The following SLC2A9 variants were observed in gnomAD, a reference collection of about 807,000 sequenced individuals.
SLC2A9 encodes the protein solute carrier family 2 member 9, also known as solute carrier family 2, facilitated glucose transporter member 9.
In SLC2A9, 39 loss-of-function variants were observed where a neutral mutation model predicts 50.6. That is an observed-to-expected ratio of 0.77 (90% CI 0.60 to 1.01). The LOEUF (loss-of-function observed/expected upper bound fraction) is 1.01, where lower values mean the gene tolerates loss of function less well. Ranked by LOEUF, SLC2A9 falls within the 50% of genes least tolerant of loss-of-function variation. SLC2A9 has a pLI of 0.00. For missense variants in SLC2A9, 686 were observed against 677.6 expected, an observed-to-expected ratio of 1.01 and a Z score of -0.14; for synonymous variants, 324 against 276.9, an observed-to-expected ratio of 1.17 and a Z score of -1.69.
intron 2 of SLC2A9, among the ~76,000 whole-genome samples, chr4:10,005,808 G>A (rs1034422502): frequency 6.6e-6 from 1 of 152,200 alleles, no homozygotes; most frequent in Non-Finnish European, 1.5e-5. Flanking sequence ...CTCTGGAAGT[G>A]CTGTCAATGT....
intron 6 of SLC2A9, among the ~76,000 whole-genome samples, chr4:9,939,304 T>C (rs564018476): frequency 1.3e-5 from 2 of 152,260 alleles, no homozygotes; most frequent in Admixed American, 6.5e-5. Flanking sequence ...AGAACAACAC[T>C]GTTGACCTAT....
At chr4:9,783,738 A>G in intron 3 of SLC2A9, 1 of 344,886 alleles carries the variant, frequency 2.9e-6, no homozygotes, top group Non-Finnish European at 5.5e-6. Flanking sequence ...CTTAAAAAAA[A>G]AAATGATACT....
intron 10 of SLC2A9, among the ~76,000 whole-genome samples, chr4:9,847,506 C>A (rs533419836): frequency 7.2e-5 from 11 of 152,292 alleles, no homozygotes; most frequent in East Asian, 1.9e-4. Flanking sequence ...TGGCAAAGGC[C>A]CAATCAATAT....
At chr4:9,780,437 G>T (rs995616134) in intron 3 of SLC2A9, among the ~76,000 whole-genome samples, 11 of 152,150 alleles carry the variant, frequency 7.2e-5, no homozygotes, top group African/African-American at 2.7e-4. Flanking sequence ...AAGCACTGAG[G>T]GGGAAGGAGG....
chr4:9,960,602 G>C (rs75389148), intron 5 of SLC2A9, among the ~76,000 whole-genome samples: 2,104 of 152,330 alleles, frequency 0.014, 22 homozygotes, highest in Middle Eastern at 0.054. Flanking sequence ...GAAAGCTTTT[G>C]TCAGGAGCCA....
chr4:9,771,585 G>A (rs1716825661), intron 1 of SLC2A9, among the ~76,000 whole-genome samples: 1 of 152,224 alleles, frequency 6.6e-6, no homozygotes, highest in African/African-American at 2.4e-5. Context: ...ATATCAATGG[G>A]TTCATCCCAG....
chr4:9,867,340 T>G (rs1458626362), intron 10 of SLC2A9, among the ~76,000 whole-genome samples: 1 of 152,168 alleles, frequency 6.6e-6, no homozygotes, highest in Non-Finnish European at 1.5e-5. Flanking sequence ...TCTGCAGCCA[T>G]GTGGGTTTCT....
chr4:9,879,536 C>A (rs1734859370), intron 10 of SLC2A9: 8 of 985,248 alleles, frequency 8.1e-6, no homozygotes, highest in Non-Finnish European at 9.6e-6. Context: ...CTGATACGCC[C>A]CTGCAGTCTT....
chr4:9,777,262 AG>A (rs1437123904), downstream of SLC2A9, among the ~76,000 whole-genome samples: 5 of 151,122 alleles, frequency 3.3e-5, no homozygotes, highest in African/African-American at 1.2e-4. Context: ...TGTGCTAATT[AG>A]AAAAAAAGAG....
At chr4:9,931,465 G>A (rs1284562232) in intron 6 of SLC2A9, among the ~76,000 whole-genome samples, 1 of 152,204 alleles carries the variant, frequency 6.6e-6, no homozygotes, top group Non-Finnish European at 1.5e-5. Context: ...CTGAGCAGGG[G>A]AGAAGAGGCT....
downstream of SLC2A9, among the ~76,000 whole-genome samples, chr4:9,822,390 A>G (rs984489860): frequency 1.3e-5 from 2 of 152,038 alleles, no homozygotes; most frequent in African/African-American, 4.8e-5. Flanking sequence ...ATTTTATATT[A>G]ATTATTTGAG....
upstream of SLC2A9, among the ~76,000 whole-genome samples, chr4:10,022,363 G>T (rs1045140180): frequency 2.0e-5 from 3 of 152,272 alleles, no homozygotes; most frequent in Admixed American, 6.5e-5. Flanking sequence ...GGAAGAAAAA[G>T]AATTTGCCTC....
At chr4:9,785,383 C>T in intron 3 of SLC2A9, among the ~76,000 whole-genome samples, 1 of 152,224 alleles carries the variant, frequency 6.6e-6, no homozygotes, top group African/African-American at 2.4e-5. Context: ...ATGCATCCTC[C>T]AGTGGGAGAA....
chr4:9,965,342 C>T (rs924388507), intron 5 of SLC2A9, among the ~76,000 whole-genome samples: 1 of 152,158 alleles, frequency 6.6e-6, no homozygotes, highest in Non-Finnish European at 1.5e-5. Flanking sequence ...GATAGAATCA[C>T]ACATTATCAC....
intron 5 of SLC2A9, among the ~76,000 whole-genome samples, chr4:9,947,811 C>T (rs1334872738): frequency 6.6e-6 from 1 of 152,128 alleles, no homozygotes; most frequent in African/African-American, 2.4e-5. Context: ...CTCAAGCCTG[C>T]CTCCCCTGCT....
intron 10 of SLC2A9, among the ~76,000 whole-genome samples, chr4:9,875,751 C>T (rs1013697933): frequency 6.6e-6 from 1 of 152,208 alleles, no homozygotes; most frequent in African/African-American, 2.4e-5. Context: ...AAGCCAATGA[C>T]TACTTCTTCC....
chr4:9,780,351 G>A (rs1432109970), intron 3 of SLC2A9, among the ~76,000 whole-genome samples: 1 of 152,160 alleles, frequency 6.6e-6, no homozygotes, highest in Non-Finnish European at 1.5e-5. Context: ...GATGAGGAGA[G>A]ACCAGAGGTG....
At chr4:9,947,529 T>A (rs1749413444) in intron 5 of SLC2A9, among the ~76,000 whole-genome samples, 1 of 152,224 alleles carries the variant, frequency 6.6e-6, no homozygotes, top group African/African-American at 2.4e-5. Flanking sequence ...TTTCATATTG[T>A]ATGACCTTTC....
Position 9,980,672 on chromosome 4 carries a change from G to C in SLC2A9, c.601C>G (p.Leu201Val), listed in dbSNP as rs1353050726. The change falls in exon 5 of 12, where the codon CTG (leucine) becomes GTG (valine). Residue 201 changes from leucine to valine, a missense_variant. Leu to Val is a conservative substitution (Grantham distance 32). Transcript: ENST00000264784. ...EISPKEIRGS[L>V]GQVTAIFICI... ...ATAAAGATGGCAGTCACCTGCCCCA[G>C]AGAGCCACGGATCTCCTTGGGTGAG... 1 of 1,614,156 alleles carries C rather than the reference G, an allele frequency of 6.2e-7. No individual in the cohort carries two copies. The highest frequency in any genetic ancestry group is 8.5e-7 in the Non-Finnish European group (1 of 1,180,026).
Sources: allele counts gnomAD v4.1 joint callset (sites outside exome capture counted in the v4.1 genomes callset), GRCh38; gene constraint gnomAD v4.1.1; transcripts MANE v1.5; gene names NCBI Gene and HGNC (gene_info 2026-07-23, HGNC 2026-07-21).